The following C12orf56 variants were observed in gnomAD, a reference collection of about 807,000 sequenced individuals.
C12orf56 encodes chromosome 12 open reading frame 56.
C12orf56 carries 71 observed loss-of-function variants against 69.9 expected under a neutral mutation model. The observed-to-expected ratio is 1.02, with a 90% CI of 0.84 to 1.24. The LOEUF is 1.24. Ranked by LOEUF, C12orf56 falls within the 50% of genes most tolerant of loss-of-function variation. The probability of loss-of-function intolerance (pLI) is 0.00; values close to 1 mark genes in which losing one functional copy is unlikely to be tolerated. For synonymous variants in C12orf56, 276 were observed against 274.1 expected (o/e 1.01, Z -0.07); for missense variants, 732 against 738.5 (o/e 0.99, Z 0.10).
intron 1 of C12orf56, among the ~76,000 whole-genome samples, chr12:64,366,863 A>T (rs1447019976): frequency 5.5e-5 from 7 of 126,318 alleles, no homozygotes; most frequent in Non-Finnish European, 4.6e-5. Context: ...TATATATTAT[A>T]TAACATACAG....
chr12:64,308,929 A>AAAGG (rs2038559805), intron 5 of C12orf56, among the ~76,000 whole-genome samples: 1 of 45,562 alleles, frequency 2.2e-5, no homozygotes. Context: ...AGAAAGAAAG[A>AAAGG]AAGAAAGAAA....
At chr12:64,300,103 G>C (rs1207905473) in intron 6 of C12orf56, among the ~76,000 whole-genome samples, 3 of 152,092 alleles carry the variant, frequency 2.0e-5, no homozygotes, top group African/African-American at 4.8e-5. Flanking sequence ...TGACAGGAAA[G>C]GCAGAAAATG....
chr12:64,326,412 A>G (rs1680235688), intron 3 of C12orf56, among the ~76,000 whole-genome samples: 3 of 152,196 alleles, frequency 2.0e-5, no homozygotes, highest in Non-Finnish European at 4.4e-5. Context: ...CAAAGGAATA[A>G]CCATTTTAAA....
chr12:64,344,606 A>G (rs1218325461), intron 2 of C12orf56, among the ~76,000 whole-genome samples: 1 of 152,112 alleles, frequency 6.6e-6, no homozygotes, highest in Non-Finnish European at 1.5e-5. Context: ...TTCCCATTGT[A>G]TTTAAATTTC....
chr12:64,333,267 C>T (rs1432972028), intron 2 of C12orf56, among the ~76,000 whole-genome samples: 1 of 152,138 alleles, frequency 6.6e-6, no homozygotes, highest in Non-Finnish European at 1.5e-5. Flanking sequence ...TGCTGGCATG[C>T]TGGAAAGGAG....
rs182368905 is a variant in C12orf56, at chr12:64,357,815, C to A, written c.253-4759G>T. Among the ~76,000 whole-genome samples the A allele has an allele frequency of 1.2e-4, 18 of 152,028 alleles. No homozygotes were observed. In the East Asian group the frequency reaches 1.6e-3, roughly 13 times the overall value. On this transcript the variant is annotated intron_variant, in intron 1 of 12. Coordinates refer to ENST00000543942, the MANE Select transcript of C12orf56 (RefSeq NM_001170633.2). ...AATCAGGAGGCTGAGGCAGAAGAAT[C>A]GCTTGAACCTGGAGACAGAGGCTGC...
At chr12:64,342,158 A>C (rs1327920926) in intron 2 of C12orf56, among the ~76,000 whole-genome samples, 1 of 152,092 alleles carries the variant, frequency 6.6e-6, no homozygotes, top group Non-Finnish European at 1.5e-5. Context: ...TTTGTCACCA[A>C]TTTTCCAATA....
intron 6 of C12orf56, among the ~76,000 whole-genome samples, chr12:64,292,919 G>T (rs1174205059): frequency 7.0e-6 from 1 of 142,932 alleles, no homozygotes; most frequent in African/African-American, 2.5e-5. Context: ...ACCTAAGCAA[G>T]CCTGGGCAAT....
At chr12:64,365,497 C>G (rs1410077601) in intron 1 of C12orf56, among the ~76,000 whole-genome samples, 1 of 151,356 alleles carries the variant, frequency 6.6e-6, no homozygotes, top group East Asian at 1.9e-4. Flanking sequence ...ATACAAGGAA[C>G]CTAAGGCTCA....
At chr12:64,388,126 C>T (rs1304235850) in intron 1 of C12orf56, among the ~76,000 whole-genome samples, 1 of 152,002 alleles carries the variant, frequency 6.6e-6, no homozygotes, top group Non-Finnish European at 1.5e-5. Context: ...TGCGCCACCA[C>T]ACCCAGTGGC....
chr12:64,296,646 T>C (rs1451036807), intron 6 of C12orf56, among the ~76,000 whole-genome samples: 1 of 152,220 alleles, frequency 6.6e-6, no homozygotes, highest in African/African-American at 2.4e-5. Flanking sequence ...GTATTTTGTA[T>C]GTAAAAAAGA....
In C12orf56 at chr12:64,340,362, C is replaced by T. The variant is rs112276699; in HGVS notation, c.416-9330G>A. On this transcript the variant is annotated intron_variant, in intron 2 of 12. Transcript: ENST00000543942. ...CTCACAGATACACCCAGGATCAATA[C>T]TTTCTATCCTTCAATCCAATGAAGT... Among the ~76,000 whole-genome samples the T allele has an allele frequency of 5.3e-3, 808 of 152,220 alleles. 8 individuals are homozygous for T. The highest frequency in any genetic ancestry group is 0.018 in the African/African-American group (768 of 41,518).
At position 64,266,972 on chromosome 12, in the gene C12orf56, T is replaced by C. The variant is rs866838397; in HGVS notation, c.*211A>G. 4 of 477,276 alleles carry C rather than the reference T, an allele frequency of 8.4e-6. No individual in the cohort carries two copies. Among genetic ancestry groups the C allele is most frequent in the Non-Finnish European group, 1.1e-5 (3 of 276,700 alleles). The allele number at this position is 477,276 out of a possible 1,614,324, so 29.6% of individuals were successfully genotyped here. On this transcript the variant is annotated 3_prime_UTR_variant, in exon 13 of 13. Transcript: ENST00000543942. ...GCTCTTTTGCCCAATGGCATAAAGA[T>C]CTTTGCACACTTATAATAAATCAAA...
chr12:64,313,274 A>AAAAGAAAGAAAGAAAGAAAGAAAG lies in C12orf56; in HGVS notation c.895-546_895-523dup, dbSNP rs760452951. Among the ~76,000 whole-genome samples the AAAAGAAAGAAAGAAAGAAAGAAAG allele has an allele frequency of 3.1e-3, 255 of 81,478 alleles. 5 individuals carry two copies. The highest frequency in any genetic ancestry group is 6.3e-3 in the Middle Eastern group (1 of 158). The allele number at this position is 81,478 out of a possible 152,430, so 53.5% of individuals were successfully genotyped here. ...GAGACTCTGTCTCAAAAAAAAAAAA[A>AAAAGAAAGAAAGAAAGAAAGAAAG]AAAGAAAGAAAGAAAGAAAGAAAGA... On this transcript the variant is annotated intron_variant, in intron 4 of 12. Transcript: ENST00000543942.
intron 2 of C12orf56, chr12:64,338,524 A>G (rs1014012375): frequency 1.9e-5 from 23 of 1,215,704 alleles, no homozygotes; most frequent in Middle Eastern, 1.9e-4. Context: ...AACCTGTGGT[A>G]AGGTCATCCC....
chr12:64,302,415 C>A (rs2038457947), intron 6 of C12orf56, among the ~76,000 whole-genome samples: 1 of 152,130 alleles, frequency 6.6e-6, no homozygotes, highest in Admixed American at 6.5e-5. Context: ...TAGTTGGTCA[C>A]CCTAATCTGG....
chr12:64,388,323 T>C (rs2039821145), intron 1 of C12orf56, among the ~76,000 whole-genome samples: 1 of 152,196 alleles, frequency 6.6e-6, no homozygotes, highest in South Asian at 2.1e-4. Flanking sequence ...CATGGCTTAC[T>C]GCAGCCTCGA....
chr12:64,315,639 ATG>A lies in C12orf56; in HGVS notation c.895-2889_895-2888del, dbSNP rs1160641629. Among the ~76,000 whole-genome samples the A allele has an allele frequency of 3.3e-5, 5 of 152,296 alleles. No individual in the cohort carries two copies. In the South Asian group the frequency reaches 6.2e-4, roughly 19 times the overall value. ...ATCTAAAAGTACAGAGAAAGTTAAA[ATG>A]TGTAATGTGGCCGGGCACAGTGGCT... On this transcript the variant is annotated intron_variant, in intron 4 of 12. Transcript: ENST00000543942.
chr12:64,333,670 T>G (rs1204643930), intron 2 of C12orf56, among the ~76,000 whole-genome samples: 1 of 151,780 alleles, frequency 6.6e-6, no homozygotes, highest in East Asian at 1.9e-4. Flanking sequence ...CCCAGCTAAT[T>G]TTTGTATTTT....
Sources: gnomAD v4.1 joint callset for allele counts (sites outside exome capture counted in the v4.1 genomes callset) on GRCh38, gnomAD v4.1.1 for gene constraint, MANE v1.5 for transcripts, NCBI Gene and HGNC (gene_info 2026-07-23, HGNC 2026-07-21) for gene names.